Variants in ST6GALNAC3 observed in about 807,000 individuals in gnomAD.
The protein encoded by ST6GALNAC3 is ST6 N-acetylgalactosaminide alpha-2,6-sialyltransferase 3.
Under a neutral mutation model 32.7 loss-of-function variants are expected in ST6GALNAC3, and 25 were observed. The observed-to-expected ratio is 0.76, with a 90% CI of 0.56 to 1.07. The LOEUF (loss-of-function observed/expected upper bound fraction) is 1.07. Ranked by LOEUF, ST6GALNAC3 falls within the 50% of genes least tolerant of loss-of-function variation. The pLI, the probability that ST6GALNAC3 is intolerant of heterozygous loss-of-function variation, is 0.00. For synonymous variants in ST6GALNAC3, 129 were observed against 133.1 expected (o/e 0.97, Z 0.21); for missense variants, 355 against 382.4 (o/e 0.93, Z 0.60).
intron 3 of ST6GALNAC3, among the ~76,000 whole-genome samples, chr1:76,426,791 T>C (rs565408515): frequency 1.5e-4 from 23 of 152,074 alleles, no homozygotes; most frequent in Middle Eastern, 3.4e-3. Context: ...TGCGTTGTAC[T>C]ATGATGCTAT....
chr1:76,458,940 G>T (rs1022976057), intron 3 of ST6GALNAC3, among the ~76,000 whole-genome samples: 6 of 149,344 alleles, frequency 4.0e-5, no homozygotes, highest in Admixed American at 4.0e-4. Flanking sequence ...AAAAAAAAAA[G>T]TTCACATGAA....
intron 1 of ST6GALNAC3, among the ~76,000 whole-genome samples, chr1:76,115,106 C>T (rs897948674): frequency 1.3e-5 from 2 of 152,012 alleles, no homozygotes; most frequent in African/African-American, 4.8e-5. Flanking sequence ...ATTTTGTTGT[C>T]TGTCCTTCAG....
At chr1:76,263,270 G>A (rs535729726) in intron 1 of ST6GALNAC3, among the ~76,000 whole-genome samples, 1 of 152,084 alleles carries the variant, frequency 6.6e-6, no homozygotes, top group Non-Finnish European at 1.5e-5. Flanking sequence ...TACTATGTTG[G>A]TTAAATGGGC....
At chr1:76,376,190 A>G (rs982494661) in intron 2 of ST6GALNAC3, among the ~76,000 whole-genome samples, 1 of 152,090 alleles carries the variant, frequency 6.6e-6, no homozygotes, top group African/African-American at 2.4e-5. Flanking sequence ...AAGAGATCCC[A>G]TATATCTTTC....
At chr1:76,359,903 T>C (rs1428337756) in intron 2 of ST6GALNAC3, among the ~76,000 whole-genome samples, 1 of 152,208 alleles carries the variant, frequency 6.6e-6, no homozygotes, top group Non-Finnish European at 1.5e-5. Context: ...TCCCATTTAT[T>C]GAGTGATGAC....
chr1:76,508,040 G>A (rs186047421), intron 3 of ST6GALNAC3, among the ~76,000 whole-genome samples: 4 of 152,282 alleles, frequency 2.6e-5, no homozygotes, highest in African/African-American at 4.8e-5. Context: ...AATGTTGAGC[G>A]TCTTTTCATG....
At chr1:76,614,901 G>A (rs1157172665) in intron 3 of ST6GALNAC3, among the ~76,000 whole-genome samples, 2 of 152,052 alleles carry the variant, frequency 1.3e-5, no homozygotes, top group Non-Finnish European at 2.9e-5. Context: ...GTGACTGGGG[G>A]GTAGGGGCTA....
intron 1 of ST6GALNAC3, among the ~76,000 whole-genome samples, chr1:76,163,800 TG>T (rs757227567): frequency 1.5e-4 from 23 of 152,224 alleles, no homozygotes; most frequent in Non-Finnish European, 3.1e-4. Context: ...ATTTACCTGA[TG>T]TTGGCATGAC....
chr1:76,392,971 A>T (rs559619379), intron 2 of ST6GALNAC3, among the ~76,000 whole-genome samples: 4 of 152,172 alleles, frequency 2.6e-5, no homozygotes, highest in Admixed American at 2.6e-4. Context: ...AGGGAAAAAT[A>T]TCAACCTGGA....
At chr1:76,268,922 T>G (rs1658685601) in intron 1 of ST6GALNAC3, among the ~76,000 whole-genome samples, 1 of 150,662 alleles carries the variant, frequency 6.6e-6, no homozygotes, top group Non-Finnish European at 1.5e-5. Context: ...CCCAGATCAC[T>G]CTGTCACCCC....
rs189030918 is a variant in ST6GALNAC3, at chr1:76,444,897, A to G, written c.623+32480A>G. 3.8e-3 allele frequency among the ~76,000 whole-genome samples: 577 copies of G among 152,286 alleles called. 3 individuals are homozygous for G. The highest frequency in any genetic ancestry group is 0.014 in the African/African-American group (563 of 41,564). ...CTGGCTTGGAAGATTTTGGTCATCA[A>G]TCTACATTTCATATGCAATAACTTT... On this transcript the variant is annotated intron_variant, in intron 3 of 4. Transcript: ENST00000328299.
At chr1:76,417,246 G>T (rs1464451651) in intron 3 of ST6GALNAC3, among the ~76,000 whole-genome samples, 4 of 145,534 alleles carry the variant, frequency 2.7e-5, no homozygotes, top group Admixed American at 6.9e-5. Flanking sequence ...TTTAATTCTA[G>T]GTTCATTGGT....
At chr1:76,408,829 G>A (rs1393182796) in intron 2 of ST6GALNAC3, among the ~76,000 whole-genome samples, 1 of 151,938 alleles carries the variant, frequency 6.6e-6, no homozygotes, top group African/African-American at 2.4e-5. Flanking sequence ...ACACAACGAA[G>A]CAACTTCTTG....
In ST6GALNAC3 at chr1:76,074,872, C is replaced by T; in HGVS notation, c.6C>T (p.Ala2=). 1 of 1,595,182 alleles carries T rather than the reference C, an allele frequency of 6.3e-7. No individual in the cohort carries two copies. Among genetic ancestry groups the T allele is most frequent in the African/African-American group, 1.3e-5 (1 of 74,796 alleles). The change falls in exon 1 of 5, where the codon GCC becomes GCT. Residue 2 remains alanine (A), a synonymous_variant. Coordinates refer to ENST00000328299, the MANE Select transcript of ST6GALNAC3 (RefSeq NM_152996.4). ...AGGAGGGCCGGCGGAGCGCCATGGC[C>T]TGCATCCTGAAGGTAACGACTTGGA... The part of the protein sequence containing the change: M[A]CILKRKSVIA...
At chr1:76,115,406 C>T (rs981001416) in intron 1 of ST6GALNAC3, among the ~76,000 whole-genome samples, 8 of 152,140 alleles carry the variant, frequency 5.3e-5, no homozygotes, top group Non-Finnish European at 1.2e-4. Context: ...TTTAAATTTA[C>T]TACATGCCAA....
chr1:76,300,246 A>T (rs1209564335), intron 1 of ST6GALNAC3, among the ~76,000 whole-genome samples: 1 of 151,968 alleles, frequency 6.6e-6, no homozygotes, highest in Admixed American at 6.6e-5. Flanking sequence ...TTCTCACCCT[A>T]TTTCTGTTTC....
At chr1:76,109,005 T>G (rs1199518417) in intron 1 of ST6GALNAC3, among the ~76,000 whole-genome samples, 3 of 152,136 alleles carry the variant, frequency 2.0e-5, no homozygotes, top group Non-Finnish European at 4.4e-5. Flanking sequence ...TGCCATACTG[T>G]GATTCTGTTT....
chr1:76,074,915 T>C, intron 1 of ST6GALNAC3, 31 bp downstream of exon 1: 1 of 1,579,960 alleles, frequency 6.3e-7, no homozygotes, highest in South Asian at 1.2e-5. Flanking sequence ...CTCGGACGCG[T>C]GGTTGGCCAG....
intron 1 of ST6GALNAC3, among the ~76,000 whole-genome samples, chr1:76,282,262 A>C (rs1659539641): frequency 6.7e-6 from 1 of 148,636 alleles, no homozygotes; most frequent in South Asian, 2.2e-4. Flanking sequence ...AGGAAGAAAA[A>C]AGAGACTTAG....
Sources: allele counts gnomAD v4.1 joint callset (sites outside exome capture counted in the v4.1 genomes callset), GRCh38; gene constraint gnomAD v4.1.1; transcripts MANE v1.5; gene names NCBI Gene and HGNC (gene_info 2026-07-23, HGNC 2026-07-21).